The following KCNQ3 variants were observed in gnomAD, a reference collection of about 807,000 sequenced individuals.
The protein encoded by KCNQ3 is potassium voltage-gated channel subfamily Q member 3.
KCNQ3 carries 30 observed loss-of-function variants against 92.5 expected under a neutral mutation model. That is an observed-to-expected ratio of 0.32 (90% CI 0.24 to 0.44). KCNQ3 has a LOEUF of 0.44. KCNQ3 is among the 20% of genes least tolerant of loss of function. The pLI is 1.00. For missense variants in KCNQ3, 913 were observed against 1,140.3 expected (o/e 0.80, Z 2.87); for synonymous variants, 450 against 468.8 (o/e 0.96, Z 0.52).
chr8:132,297,019 G>T (rs1817052713), intron 1 of KCNQ3, among the ~76,000 whole-genome samples: 3 of 151,912 alleles, frequency 2.0e-5, no homozygotes, highest in South Asian at 4.2e-4. Flanking sequence ...GTGTAAAAGT[G>T]TTCCTATTTC....
Position 132,126,232 on chromosome 8 carries a change from T to A in KCNQ3, c.*3030A>T, listed in dbSNP as rs1239242920. On this transcript the variant is annotated 3_prime_UTR_variant, in exon 15 of 15. Transcript: ENST00000388996. Reference sequence around the variant, plus strand: ...TGGGCAAGTTTCAGAACGACTAGTATATCTGTGGTCATGTCATCTTGGGTC... The same window carrying A: ...TGGGCAAGTTTCAGAACGACTAGTAAATCTGTGGTCATGTCATCTTGGGTC... 6.6e-6 allele frequency: 1 copy of A among 152,216 alleles called. No individual in the cohort carries two copies. Among genetic ancestry groups the A allele is most frequent in the Non-Finnish European group, 1.5e-5 (1 of 68,032 alleles). 9.4% of individuals were successfully genotyped at this position (152,216 alleles called of 1,614,324 possible).
chr8:132,478,484 C>G (rs547000544), intron 1 of KCNQ3, among the ~76,000 whole-genome samples: 9 of 152,334 alleles, frequency 5.9e-5, no homozygotes, highest in East Asian at 1.9e-4. Flanking sequence ...TCAGTATTCA[C>G]TTCAATTTAA....
rs79827676 is a variant in KCNQ3 at position 132,313,038 on chromosome 8, C to T, written c.387-126857G>A. On this transcript the variant is annotated intron_variant, in intron 1 of 14. Transcript: ENST00000388996. ...TATGCACATCAACCTTCCAGCCGGA[C>T]GTCTGAGAGAAAGCTGTGTCTATTA... is the stretch of plus-strand genomic sequence containing the variant. 4.8e-3 allele frequency among the ~76,000 whole-genome samples: 730 copies of T among 152,292 alleles called. 21 individuals are homozygous for T. Among genetic ancestry groups the T allele is most frequent in the Admixed American group, 0.036 (554 of 15,294 alleles).
intron 1 of KCNQ3, among the ~76,000 whole-genome samples, chr8:132,248,300 A>C (rs545399226): frequency 5.3e-5 from 8 of 150,936 alleles, no homozygotes; most frequent in Non-Finnish European, 2.9e-5. Flanking sequence ...AGTGGCTTCC[A>C]AAAGCTGATC....
intron 1 of KCNQ3, among the ~76,000 whole-genome samples, chr8:132,381,661 T>C (rs1442099228): frequency 6.6e-6 from 1 of 152,220 alleles, no homozygotes; most frequent in East Asian, 1.9e-4. Context: ...TTCTAGGTGC[T>C]TAAGATAATC....
chr8:132,192,437 G>A (rs1353441912), intron 1 of KCNQ3, among the ~76,000 whole-genome samples: 1 of 152,222 alleles, frequency 6.6e-6, no homozygotes, highest in African/African-American at 2.4e-5. Context: ...TGATGGACAA[G>A]GATGTGGCGC....
intron 1 of KCNQ3, among the ~76,000 whole-genome samples, chr8:132,403,469 T>C (rs1245058817): frequency 1.3e-5 from 2 of 152,186 alleles, no homozygotes; most frequent in African/African-American, 4.8e-5. Context: ...AACAGCAGCT[T>C]TGGGTTCATT....
intron 9 of KCNQ3, among the ~76,000 whole-genome samples, chr8:132,153,496 G>A (rs954266317): frequency 6.6e-6 from 1 of 152,078 alleles, no homozygotes; most frequent in Admixed American, 6.6e-5. Context: ...AAAGCCCTAG[G>A]AAAGAAAACT....
intron 1 of KCNQ3, among the ~76,000 whole-genome samples, chr8:132,254,176 AAGTGTGAG>A (rs1222026805): frequency 6.6e-6 from 1 of 152,176 alleles, no homozygotes; most frequent in Non-Finnish European, 1.5e-5. Context: ...GTGCCCATGG[AAGTGTGAG>A]CACTGTTGCT....
intron 1 of KCNQ3, among the ~76,000 whole-genome samples, chr8:132,281,110 AT>A (rs1247948945): frequency 1.3e-5 from 2 of 152,136 alleles, no homozygotes; most frequent in Non-Finnish European, 2.9e-5. Flanking sequence ...ATGTGACTTC[AT>A]TTAATAGTCC....
At chr8:132,334,116 G>C (rs1467064601) in intron 1 of KCNQ3, among the ~76,000 whole-genome samples, 1 of 152,160 alleles carries the variant, frequency 6.6e-6, no homozygotes. Flanking sequence ...GCAGAGACAG[G>C]TGTAGTTGAT....
At chr8:132,309,929 A>G (rs1017385924) in intron 1 of KCNQ3, among the ~76,000 whole-genome samples, 17 of 152,216 alleles carry the variant, frequency 1.1e-4, no homozygotes, top group African/African-American at 3.9e-4. Context: ...TTGTTTAGGC[A>G]TGACTTGTAC....
At chr8:132,187,970 C>T (rs1055241329) in intron 1 of KCNQ3, among the ~76,000 whole-genome samples, 11 of 137,396 alleles carry the variant, frequency 8.0e-5, no homozygotes, top group African/African-American at 2.9e-4. Context: ...ATGGTAACAA[C>T]ATCAGTAACT....
At chr8:132,177,005 T>C (rs964546544) in intron 4 of KCNQ3, among the ~76,000 whole-genome samples, 3 of 152,194 alleles carry the variant, frequency 2.0e-5, no homozygotes, top group Non-Finnish European at 2.9e-5. Flanking sequence ...TGCAGGGAAT[T>C]TGAGGACGGA....
chr8:132,398,669 C>T (rs1030627799), intron 1 of KCNQ3, among the ~76,000 whole-genome samples: 3 of 152,084 alleles, frequency 2.0e-5, no homozygotes, highest in Admixed American at 2.0e-4. Context: ...AACAGAAAGA[C>T]AGGCAGAAAT....
At chr8:132,301,160 T>C (rs115169979) in intron 1 of KCNQ3, among the ~76,000 whole-genome samples, 1 of 152,246 alleles carries the variant, frequency 6.6e-6, no homozygotes, top group African/African-American at 2.4e-5. Context: ...TAAACACAGA[T>C]TTCCTTCTCA....
intron 3 of KCNQ3, among the ~76,000 whole-genome samples, 174 bp downstream of exon 3, chr8:132,184,067 T>C (rs1315230842): frequency 6.6e-6 from 1 of 152,148 alleles, no homozygotes; most frequent in African/African-American, 2.4e-5. Context: ...AAGGAGGAAT[T>C]TGAGGACCCA....
At chr8:132,323,403 C>A (rs1421393598) in intron 1 of KCNQ3, among the ~76,000 whole-genome samples, 3 of 152,202 alleles carry the variant, frequency 2.0e-5, no homozygotes, top group Non-Finnish European at 4.4e-5. Flanking sequence ...TGAGTTCATG[C>A]CACAACGGCA....
intron 1 of KCNQ3, among the ~76,000 whole-genome samples, chr8:132,207,393 G>A (rs1017573139): frequency 6.6e-6 from 1 of 152,174 alleles, no homozygotes; most frequent in Admixed American, 6.5e-5. Context: ...AGCGAATAAA[G>A]CATTGTGCCA....
Sources: allele counts gnomAD v4.1 joint callset (sites outside exome capture counted in the v4.1 genomes callset), GRCh38; gene constraint gnomAD v4.1.1; transcripts MANE v1.5; gene names NCBI Gene and HGNC (gene_info 2026-07-23, HGNC 2026-07-21).